Variants in FMO3 observed in about 807,000 individuals in gnomAD.
FMO3 encodes the protein flavin containing dimethylaniline monoxygenase 3, also known as flavin-containing monooxygenase 3.
Under a neutral mutation model 39.4 loss-of-function variants are expected in FMO3, and 40 were observed. That is an observed-to-expected ratio of 1.02 (90% CI 0.79 to 1.32). FMO3 has a LOEUF of 1.32. FMO3 is among the 40% of genes most tolerant of loss of function. The probability of loss-of-function intolerance (pLI) is 0.00; values close to 1 mark genes in which losing one functional copy is unlikely to be tolerated. For synonymous variants in FMO3, 219 were observed against 228.8 expected, an observed-to-expected ratio of 0.96 and a Z score of 0.39; for missense variants, 680 against 651.8, an observed-to-expected ratio of 1.04 and a Z score of -0.47.
In FMO3 at chr1:171,116,279, T is replaced by C. The variant is rs921476151; in HGVS notation, c.1255T>C (p.Trp419Arg). The change falls in exon 8 of 9, where the codon TGG (tryptophan) becomes CGG (arginine). Residue 419 changes from tryptophan (W) to arginine (R), a missense_variant and splice_region_variant. Physicochemically the swap from Trp to Arg is moderately radical, Grantham distance 101. Transcript: ENST00000367755. ...INEKMEKKRK[W>R]FGKSETIQTD... ...TGAGAAAATGGAGAAAAAGCGCAAATGGTAAGAGTACCTATTGTAATAGGA... is the reference window on the plus strand; with the variant it reads ...TGAGAAAATGGAGAAAAAGCGCAAACGGTAAGAGTACCTATTGTAATAGGA... 3 of 1,530,300 alleles carry C rather than the reference T, an allele frequency of 2.0e-6. No homozygotes were observed. Among genetic ancestry groups the C allele is most frequent in the Non-Finnish European group, 2.7e-6 (3 of 1,104,272 alleles). The allele number at this position is 1,530,300 out of a possible 1,614,324, so 94.8% of individuals were successfully genotyped here. A position where few individuals can be genotyped will look rare whatever the true frequency, so the allele number is the denominator to read the frequency against.
chr1:171,116,553 A>G (rs1656162778), intron 8 of FMO3, among the ~76,000 whole-genome samples: 2 of 152,240 alleles, frequency 1.3e-5, no homozygotes, highest in Admixed American at 6.5e-5. Context: ...CTCCTGTAAT[A>G]TATATCATAG....
In FMO3 at chr1:171,092,643, C is replaced by T. The variant is rs545297066; in HGVS notation, c.-6-10C>T. 32 of 1,614,044 alleles carry T rather than the reference C, an allele frequency of 2.0e-5. No individual in the cohort carries two copies. The South Asian group carries it at 3.0e-4, about 15-fold the overall frequency. Reference sequence around the variant, plus strand: ...TTGTTACTGGAAATGTTCTCTGGGCCTTTGCACAGGTTACCATGGGGAAGA... The same window carrying T: ...TTGTTACTGGAAATGTTCTCTGGGCTTTTGCACAGGTTACCATGGGGAAGA... On this transcript the variant is annotated splice_polypyrimidine_tract_variant and intron_variant, in intron 1 of 8. Coordinates refer to ENST00000367755, the MANE Select transcript of FMO3 (RefSeq NM_001002294.3).
rs146753091 is a variant in FMO3, at chr1:171,105,575, G to A, written c.321+1602G>A. The stretch of plus-strand genomic sequence containing the variant: ...GTTGTTTCCTGACTTTTTAATGATC[G>A]CCATTCTAACTGGTGTGAGATGGTA... On this transcript the variant is annotated intron_variant, in intron 3 of 8. Coordinates refer to ENST00000367755, the MANE Select transcript of FMO3 (RefSeq NM_001002294.3). Among the ~76,000 whole-genome samples the A allele has an allele frequency of 4.6e-5, 7 of 151,842 alleles. 1 individual carries two copies. The highest frequency in any genetic ancestry group is 7.2e-5 in the African/African-American group (3 of 41,404).
At chr1:171,108,293 A>G (rs548360460) in intron 5 of FMO3, 72 bp downstream of exon 5, 36 of 1,570,952 alleles carry the variant, frequency 2.3e-5, no homozygotes, top group South Asian at 4.5e-5. Flanking sequence ...AAGGTGTGAT[A>G]TGAAATGTGG....
At chr1:171,098,823 C>G (rs1177638698) in intron 2 of FMO3, among the ~76,000 whole-genome samples, 1 of 152,172 alleles carries the variant, frequency 6.6e-6, no homozygotes, top group African/African-American at 2.4e-5. Context: ...ACTTCCAACA[C>G]TATGTTGAAT....
rs547867015 is a variant in FMO3 at position 171,107,933 on chromosome 1, A to C, written c.484+96A>C. The C allele has an allele frequency of 6.1e-3, 8,634 of 1,411,504 alleles. 49 individuals carry two copies. Among genetic ancestry groups the C allele is most frequent in the South Asian group, 0.01 (878 of 86,542 alleles). The allele number at this position is 1,411,504 out of a possible 1,614,324, so 87.4% of individuals were successfully genotyped here. A position where few individuals can be genotyped will look rare whatever the true frequency, so the allele number is the denominator to read the frequency against. Reference sequence around the variant, plus strand: ...TCTAAAAGTATAAGCAGGTTAAATTAAAATATACTTCTGTTATATCTAATA... The same window carrying C: ...TCTAAAAGTATAAGCAGGTTAAATTCAAATATACTTCTGTTATATCTAATA... On this transcript the variant is annotated intron_variant, in intron 4 of 8. Transcript: ENST00000367755.
At chr1:171,103,634 G>A (rs1291513443) in intron 2 of FMO3, 151 bp from the exon 3 acceptor site, 5 of 703,274 alleles carry the variant, frequency 7.1e-6, no homozygotes, top group Non-Finnish European at 1.0e-5. Flanking sequence ...TTATGTAAGA[G>A]ACTTGAGCAT....
chr1:171,108,749 T>C (rs1655763832), intron 5 of FMO3, among the ~76,000 whole-genome samples: 1 of 152,094 alleles, frequency 6.6e-6, no homozygotes, highest in Non-Finnish European at 1.5e-5. Flanking sequence ...GGTTGGGTGC[T>C]GAAGACAGTG....
chr1:171,110,294 T>G (rs1288786886), intron 5 of FMO3, among the ~76,000 whole-genome samples: 1 of 152,168 alleles, frequency 6.6e-6, no homozygotes, highest in East Asian at 1.9e-4. Context: ...TAGACAGCAA[T>G]AGTTAGATAA....
At chr1:171,096,431 T>A (rs1655059945) in intron 2 of FMO3, among the ~76,000 whole-genome samples, 1 of 104,546 alleles carries the variant, frequency 9.6e-6, no homozygotes, top group East Asian at 3.1e-4. Flanking sequence ...ATATAATATA[T>A]ATTACATATT....
In FMO3 at chr1:171,114,046, A is replaced by G; in HGVS notation, c.867A>G (p.Pro289=). The G allele has an allele frequency of 1.2e-6, 2 of 1,612,614 alleles. No homozygotes were observed. Among genetic ancestry groups the G allele is most frequent in the Non-Finnish European group, 1.7e-6 (2 of 1,179,062 alleles). Residue 289 remains proline, a synonymous_variant, in exon 7 of 9, where the codon CCA becomes CCG. Coordinates refer to ENST00000367755, the MANE Select transcript of FMO3 (RefSeq NM_001002294.3). ...AGCCTGTATTTAACGATGAGCTCCCAGCAAGCATTCTGTGTGGCATTGTGT... is the reference window on the plus strand; with the variant it reads ...AGCCTGTATTTAACGATGAGCTCCCGGCAAGCATTCTGTGTGGCATTGTGT... ...RKEPVFNDEL[P]ASILCGIVSV...
intron 7 of FMO3, among the ~76,000 whole-genome samples, chr1:171,115,471 A>G (rs965366114): frequency 1.3e-5 from 2 of 152,030 alleles, no homozygotes; most frequent in Non-Finnish European, 1.5e-5. Context: ...TGTTCAAGTG[A>G]CCCTCCCTAT....
At chr1:171,091,172 GC>G (rs1325838887) in intron 1 of FMO3, among the ~76,000 whole-genome samples, 191 bp downstream of exon 1, 1 of 148,622 alleles carries the variant, frequency 6.7e-6, no homozygotes, top group African/African-American at 2.5e-5. Context: ...GTTGCAGTGA[GC>G]CGAGATCACA....
intron 6 of FMO3, 152 bp from the exon 7 acceptor site, chr1:171,113,855 C>A (rs1197173977): frequency 3.6e-6 from 2 of 548,380 alleles, no homozygotes; most frequent in Non-Finnish European, 3.2e-6. Context: ...TGCCTCCCAT[C>A]AATTTTGTTC....
intron 6 of FMO3, among the ~76,000 whole-genome samples, chr1:171,111,954 TGTCAGGACAATTTCCAATA>T (rs1655932468): frequency 1.3e-5 from 2 of 152,192 alleles, no homozygotes; most frequent in South Asian, 4.1e-4. Context: ...TGGCAAGTGC[TGTCAGGACAATTTCCAATA>T]GAGTCCTCAG....
Position 171,110,974 on chromosome 1 carries a change from C to CT in FMO3, c.805dup (p.Tyr269LeufsTer17), listed in dbSNP as rs777304258. On this transcript the variant is annotated frameshift_variant, in exon 6 of 9. Coordinates refer to ENST00000367755, the MANE Select transcript of FMO3 (RefSeq NM_001002294.3). LOFTEE classifies it high-confidence loss of function. ...TGAATGCAAGATTCAAGCATGAAAA[C>CT]TATGGCTTGATGCCTTTAAATGGGT... 3 of 1,613,640 alleles carry CT rather than the reference C, an allele frequency of 1.9e-6. No individual in the cohort carries two copies. The highest frequency in any genetic ancestry group is 2.5e-6 in the Non-Finnish European group (3 of 1,179,780).
intron 3 of FMO3, among the ~76,000 whole-genome samples, chr1:171,107,435 A>T (rs922528644): frequency 6.6e-6 from 1 of 152,184 alleles, no homozygotes; most frequent in African/African-American, 2.4e-5. Flanking sequence ...TCACTGCCAT[A>T]TCTCCAAGGG....
Position 171,117,138 on chromosome 1 carries a change from T to C in FMO3, c.1295T>C (p.Val432Ala). The change falls in exon 9 of 9, where the codon GTT becomes GCT. Residue 432 changes from valine (V) to alanine (A), a missense_variant. Physicochemically the swap from Val to Ala is moderately conservative, Grantham distance 64. Coordinates refer to ENST00000367755, the MANE Select transcript of FMO3 (RefSeq NM_001002294.3). ...GAGACCATACAGACAGATTACATTG[T>C]TTATATGGATGAACTCTCCTCCTTC... ...KSETIQTDYI[V>A]YMDELSSFIG... The C allele has an allele frequency of 1.2e-6, 2 of 1,614,172 alleles. No homozygotes were observed. The highest frequency in any genetic ancestry group is 1.7e-6 in the Non-Finnish European group (2 of 1,180,008).
At chr1:171,096,591 A>G (rs1398894499) in intron 2 of FMO3, among the ~76,000 whole-genome samples, 2 of 123,198 alleles carry the variant, frequency 1.6e-5, no homozygotes, top group African/African-American at 3.1e-5. Flanking sequence ...TATATTAAAT[A>G]CATAATATAC....
Sources: allele counts gnomAD v4.1 joint callset (sites outside exome capture counted in the v4.1 genomes callset), GRCh38; gene constraint gnomAD v4.1.1; transcripts MANE v1.5; gene names NCBI Gene and HGNC (gene_info 2026-07-23, HGNC 2026-07-21).